PIEZO2: variants seen among roughly 807,000 people sequenced by gnomAD.
The protein encoded by PIEZO2 is piezo type mechanosensitive ion channel component 2.
PIEZO2 carries 172 observed loss-of-function variants against 337.3 expected under a neutral mutation model. The observed-to-expected ratio is 0.51, with a 90% CI of 0.45 to 0.58. PIEZO2 has a LOEUF of 0.58. Ranked by LOEUF, PIEZO2 falls within the 20% of genes least tolerant of loss-of-function variation. The probability of loss-of-function intolerance (pLI) is 0.00; values close to 1 mark genes in which losing one functional copy is unlikely to be tolerated. For synonymous variants in PIEZO2, 1,251 were observed against 1,228.5 expected (o/e 1.02, Z -0.38); for missense variants, 3,028 against 3,391.3 (o/e 0.89, Z 2.66).
At position 10,759,229 on chromosome 18, in the gene PIEZO2, T is replaced by TGTGTGTG. The variant is rs2038018235; in HGVS notation, c.3757+252_3757+253insCACACAC. ...TGTGTGTGTGTGTGTGTGTGTGTGTTTGTGTGTGTGTGTTGGGGGAAGTGA... is the reference window on the plus strand; with the variant it reads ...TGTGTGTGTGTGTGTGTGTGTGTGTTGTGTGTGTGTGTGTGTGTGTTGGGGGAAGTGA... On this transcript the variant is annotated intron_variant, in intron 26 of 55. Transcript: ENST00000674853. The surrounding 1 kb of genome is among the most constrained non-coding windows in gnomAD (Gnocchi z 5.5). 7.1e-5 allele frequency among the ~76,000 whole-genome samples: 10 copies of TGTGTGTG among 141,576 alleles called. No individual in the cohort carries two copies. Among genetic ancestry groups the TGTGTGTG allele is most frequent in the African/African-American group, 2.5e-4 (10 of 39,242 alleles). The allele number at this position is 141,576 out of a possible 152,430, so 92.9% of individuals were successfully genotyped here. A position where few individuals can be genotyped will look rare whatever the true frequency, so the allele number is the denominator to read the frequency against.
Position 10,726,166 on chromosome 18 carries a change from T to TA in PIEZO2, c.5029+5240dup, listed in dbSNP as rs2036528425. 6.6e-6 allele frequency among the ~76,000 whole-genome samples: 1 copy of TA among 151,970 alleles called. No individual in the cohort carries two copies. Among genetic ancestry groups the TA allele is most frequent in the South Asian group, 2.1e-4 (1 of 4,816 alleles). ...GGGGGGATGGGTGGGAGAGGATTCA[T>TA]ATATGTGAGCAACTGTGGATCCTTG... On this transcript the variant is annotated intron_variant, in intron 36 of 55. Transcript: ENST00000674853. This position sits in a 1 kb window ranked among gnomAD's most constrained non-coding sequence, Gnocchi z 5.9.
chr18:11,127,362 T>C lies in PIEZO2; in HGVS notation c.64+21163A>G, dbSNP rs545000033. On this transcript the variant is annotated intron_variant, in intron 1 of 55. Transcript: ENST00000674853. The surrounding 1 kb of genome is among the most constrained non-coding windows in gnomAD (Gnocchi z 4.5). Reference sequence around the variant, plus strand: ...GATTGGATTGAAGGATACGATGTATTGATCCTGGGTGTGTCTGGGAGGGTG... The same window carrying C: ...GATTGGATTGAAGGATACGATGTATCGATCCTGGGTGTGTCTGGGAGGGTG... 6.6e-6 allele frequency among the ~76,000 whole-genome samples: 1 copy of C among 152,306 alleles called. No individual in the cohort carries two copies. The highest frequency in any genetic ancestry group is 2.1e-4 in the South Asian group (1 of 4,824).
rs1375652890 is a variant in PIEZO2, at chr18:10,807,215, A to G, written c.977T>C (p.Val326Ala). The change falls in exon 8 of 56, where the codon GTG becomes GCG. Residue 326 changes from valine (V) to alanine (A), a missense_variant. Coordinates refer to ENST00000674853, the MANE Select transcript of PIEZO2 (RefSeq NM_001378183.1). ...GTGGTACCACGACAGGTCCGGGTTCACTATGATCTTCCAAGTACTTGAACA... is the reference window on the plus strand; with the variant it reads ...GTGGTACCACGACAGGTCCGGGTTCGCTATGATCTTCCAAGTACTTGAACA... The part of the protein sequence containing the change: ...TDCSSTWKII[V>A]NPDLSWYHHA... The G allele has an allele frequency of 1.3e-6, 2 of 1,537,214 alleles. No homozygotes were observed. Among genetic ancestry groups the G allele is most frequent in the African/African-American group, 1.4e-5 (1 of 73,054 alleles).
intron 3 of PIEZO2, among the ~76,000 whole-genome samples, chr18:10,956,985 A>ACAAAC (rs1555682208): frequency 1.1e-4 from 16 of 147,356 alleles, no homozygotes; most frequent in African/African-American, 2.3e-4. Flanking sequence ...AAAAAAAAAA[A>ACAAAC]AGAAATCATC....
At chr18:10,714,292 T>G (rs1445920899) in intron 39 of PIEZO2, among the ~76,000 whole-genome samples, 1 of 152,146 alleles carries the variant, frequency 6.6e-6, no homozygotes, top group Non-Finnish European at 1.5e-5. Context: ...AATAGTAAAC[T>G]CAGAGAAGAT....
rs546115612 is a variant in PIEZO2, at chr18:10,684,974, T to C, written c.7498-2682A>G. Reference sequence around the variant, plus strand: ...CCGCTGGTAACTCAGCTCCTCACTGTGCTTCCTGCTTGGTGTTCCTGTTGC... The same window carrying C: ...CCGCTGGTAACTCAGCTCCTCACTGCGCTTCCTGCTTGGTGTTCCTGTTGC... On this transcript the variant is annotated intron_variant, in intron 49 of 55. Coordinates refer to ENST00000674853, the MANE Select transcript of PIEZO2 (RefSeq NM_001378183.1). Among the ~76,000 whole-genome samples the C allele has an allele frequency of 5.3e-5, 8 of 152,288 alleles. No individual in the cohort carries two copies. In the East Asian group the frequency reaches 1.5e-3, roughly 29 times the overall value.
intron 46 of PIEZO2, 39 bp from the exon 47 acceptor site, chr18:10,696,327 A>G: frequency 6.2e-7 from 1 of 1,613,710 alleles, no homozygotes; most frequent in East Asian, 2.2e-5. Flanking sequence ...AAGAGAGGCA[A>G]TTCATGGCAG....
chr18:10,886,343 T>TATATATATATATATACACACATAC (rs561758653), intron 4 of PIEZO2, among the ~76,000 whole-genome samples: 1 of 23,716 alleles, frequency 4.2e-5, no homozygotes, highest in African/African-American at 3.1e-4. Context: ...TATATATATA[T>TATATATATATATATACACACATAC]ACACACACAC....
rs1169388518 is a variant in PIEZO2, at chr18:11,094,965, T to C, written c.65-28743A>G. ...CCGCTGGAAGGGGGCCCCAGGGCCA[T>C]TTTCAGTGTGCCATTGAAACTATGC... is the stretch of plus-strand genomic sequence containing the variant. On this transcript the variant is annotated intron_variant, in intron 1 of 55. Transcript: ENST00000674853. This position sits in a 1 kb window ranked among gnomAD's most constrained non-coding sequence, Gnocchi z 4.4. Among the ~76,000 whole-genome samples the C allele has an allele frequency of 1.3e-5, 2 of 152,202 alleles. No individual in the cohort carries two copies. Among genetic ancestry groups the C allele is most frequent in the Non-Finnish European group, 2.9e-5 (2 of 68,028 alleles).
chr18:11,041,646 A>G (rs2145809485), intron 2 of PIEZO2, among the ~76,000 whole-genome samples: 1 of 152,252 alleles, frequency 6.6e-6, no homozygotes, highest in East Asian at 1.9e-4. Flanking sequence ...TTTTTTCATC[A>G]TTTTTCTACG....
intron 1 of PIEZO2, among the ~76,000 whole-genome samples, chr18:11,085,456 T>C (rs2038877799): frequency 6.6e-6 from 1 of 152,188 alleles, no homozygotes; most frequent in Admixed American, 6.5e-5. Flanking sequence ...CTCCTCTTCC[T>C]TCCCCCTGTA....
rs2039532062 is a variant in PIEZO2 at position 10,795,103 on chromosome 18, A to G, written c.1528-101T>C. The G allele has an allele frequency of 4.9e-6, 5 of 1,015,738 alleles. No homozygotes were observed. The Admixed American group carries it at 1.2e-4, about 24-fold the overall frequency. 62.9% of individuals were successfully genotyped at this position (1,015,738 alleles called of 1,614,324 possible). A position where few individuals can be genotyped will look rare whatever the true frequency, so the allele number is the denominator to read the frequency against. On this transcript the variant is annotated intron_variant, in intron 12 of 55. Transcript: ENST00000674853. This position sits in a 1 kb window ranked among gnomAD's most constrained non-coding sequence, Gnocchi z 4.4. ...CTATCTAAAAAGAAAAGGTCATAAT[A>G]TTCAAACCAGGGAGAGTAGAGAGTT...
At position 10,868,661 on chromosome 18, in the gene PIEZO2, T is replaced by C. The variant is rs548655188; in HGVS notation, c.492+2592A>G. Among the ~76,000 whole-genome samples, 3 of 152,356 alleles carry C rather than the reference T, an allele frequency of 2.0e-5. No individual in the cohort carries two copies. The East Asian group carries it at 5.8e-4, about 29-fold the overall frequency. On this transcript the variant is annotated intron_variant, in intron 5 of 55. Coordinates refer to ENST00000674853, the MANE Select transcript of PIEZO2 (RefSeq NM_001378183.1). ...TATCTTTAAATAATGTGATTAATAA[T>C]ACATAAGGCTTACATATTCAAGCAA...
At chr18:11,118,969 G>A (rs937803418) in intron 1 of PIEZO2, among the ~76,000 whole-genome samples, 1 of 152,148 alleles carries the variant, frequency 6.6e-6, no homozygotes, top group African/African-American at 2.4e-5. Flanking sequence ...ATATCCTGTC[G>A]TGTAGTTACA....
At position 10,670,756 on chromosome 18, in the gene PIEZO2, C is replaced by A. The variant is rs2033734643; in HGVS notation, c.*771G>T. ...TACTCTTCTGCCTCATGTCTGTTTG[C>A]ACAGGAGACCGCAGCCCTCCAGAAT... On this transcript the variant is annotated 3_prime_UTR_variant, in exon 56 of 56. Transcript: ENST00000674853. 11 of 152,600 alleles carry A rather than the reference C, an allele frequency of 7.2e-5. No homozygotes were observed. Among genetic ancestry groups the A allele is most frequent in the Admixed American group, 7.2e-4 (11 of 15,280 alleles). 9.5% of individuals were successfully genotyped at this position (152,600 alleles called of 1,614,324 possible).
chr18:11,004,569 T>G (rs567106796), intron 2 of PIEZO2, among the ~76,000 whole-genome samples: 2 of 152,256 alleles, frequency 1.3e-5, no homozygotes, highest in East Asian at 3.9e-4. Flanking sequence ...TTAGAACGGA[T>G]AAGGAAGGGA....
chr18:10,957,407 A>AACAAC (rs1361225125), intron 3 of PIEZO2, among the ~76,000 whole-genome samples: 2 of 35,738 alleles, frequency 5.6e-5, no homozygotes, highest in African/African-American at 2.3e-4. Context: ...ACAAACCAAC[A>AACAAC]AAAAAAAAAC....
At chr18:10,728,432 ATGTT>A (rs767671843) in intron 36 of PIEZO2, 3 of 152,224 alleles carry the variant, frequency 2.0e-5, no homozygotes, top group East Asian at 3.8e-4. Context: ...TGACGTATAA[ATGTT>A]TGTGCAGTGA....
rs1322434849 is a variant in PIEZO2, at chr18:10,899,411, T to C, written c.329+11775A>G. 6.6e-6 allele frequency among the ~76,000 whole-genome samples: 1 copy of C among 152,226 alleles called. No individual in the cohort carries two copies. The highest frequency in any genetic ancestry group is 1.5e-5 in the Non-Finnish European group (1 of 68,032). On this transcript the variant is annotated intron_variant, in intron 4 of 55. Coordinates refer to ENST00000674853, the MANE Select transcript of PIEZO2 (RefSeq NM_001378183.1). This position sits in a 1 kb window ranked among gnomAD's most constrained non-coding sequence, Gnocchi z 4.6. ...GGATGGAAAACTCAAACACTTCCTATGAAATCCACCTAATAAAAGCTGTCA... is the reference window on the plus strand; with the variant it reads ...GGATGGAAAACTCAAACACTTCCTACGAAATCCACCTAATAAAAGCTGTCA...
Sources: gnomAD v4.1 joint callset for allele counts (sites outside exome capture counted in the v4.1 genomes callset) on GRCh38, gnomAD v4.1.1 for gene constraint, Gnocchi (gnomAD v3.1) non-coding constraint, MANE v1.5 for transcripts, NCBI Gene and HGNC (gene_info 2026-07-23, HGNC 2026-07-21) for gene names.